AIDA: variants seen among roughly 807,000 people sequenced by gnomAD.
AIDA encodes axin interactor, dorsalization associated, also known as axin interactor, dorsalization-associated protein.
A neutral mutation model predicts 42.7 loss-of-function variants in AIDA; 18 were observed. That is an observed-to-expected ratio of 0.42 (90% CI 0.29 to 0.63). The LOEUF (loss-of-function observed/expected upper bound fraction) is 0.63. Among genes scored for constraint, AIDA ranks in the 20% least tolerant of loss-of-function variants. The pLI is 0.19. For synonymous variants in AIDA, 104 were observed against 122.9 expected (o/e 0.85, Z 1.02); for missense variants, 250 against 354.1 (o/e 0.71, Z 2.36).
rs1204138726 is a variant in AIDA, at chr1:222,686,787, GCTA to G, written c.460+140_460+142del. On this transcript the variant is annotated intron_variant, in intron 6 of 9. Transcript: ENST00000340020. ...AACTTCACACCATACTTATGAAATA[GCTA>G]CTGCCAATAAAATTTGCCTAAGATT... 10 of 931,184 alleles carry G rather than the reference GCTA, an allele frequency of 1.1e-5. No individual in the cohort carries two copies. The East Asian group carries it at 2.7e-4, about 25-fold the overall frequency. 57.7% of individuals were successfully genotyped at this position (931,184 alleles called of 1,614,324 possible).
chr1:222,683,627 A>G (rs928484027), intron 6 of AIDA, among the ~76,000 whole-genome samples: 2 of 152,216 alleles, frequency 1.3e-5, no homozygotes, highest in Admixed American at 6.5e-5. Context: ...AATCTTTTTA[A>G]AAGTCTTGTG....
At position 222,673,348 on chromosome 1, in the gene AIDA, A is replaced by G. The variant is rs542684062; in HGVS notation, c.671T>C (p.Ile224Thr). 7 of 1,610,026 alleles carry G rather than the reference A, an allele frequency of 4.3e-6. No individual in the cohort carries two copies. In the South Asian group the frequency reaches 6.7e-5, roughly 15 times the overall value. Residue 224 changes from isoleucine (I) to threonine (T), a missense_variant, in exon 8 of 10, where the codon ATT (isoleucine) becomes ACT (threonine). Physicochemically the swap from Ile to Thr is moderately conservative, Grantham distance 89 (BLOSUM62 -1). This residue lies in a region of AIDA where 199 missense variants were observed against 232.6 expected (regional missense o/e 0.86). Coordinates refer to ENST00000340020, the MANE Select transcript of AIDA (RefSeq NM_022831.4). The stretch of plus-strand genomic sequence containing the variant: ...TTTTTCAACATGCTTCTGGAGCTCA[A>G]TGTCCACATTAAAATGAACATATGT... ...EDTYVHFNVD[I>T]ELQKHVEKLT...
chr1:222,690,948 G>C (rs1655353522), intron 4 of AIDA, among the ~76,000 whole-genome samples: 1 of 152,126 alleles, frequency 6.6e-6, no homozygotes, highest in African/African-American at 2.4e-5. Flanking sequence ...GAGAGTCTTT[G>C]CCCTCATATA....
intron 2 of AIDA, among the ~76,000 whole-genome samples, chr1:222,697,896 T>C (rs780332334): frequency 1.7e-4 from 26 of 152,068 alleles, no homozygotes; most frequent in Non-Finnish European, 3.2e-4. Context: ...AAGGAGAGCA[T>C]TATAAAATAT....
chr1:222,673,187 T>C (rs1238447357), intron 8 of AIDA, 126 bp downstream of exon 8: 2 of 854,276 alleles, frequency 2.3e-6, no homozygotes, highest in Admixed American at 6.9e-5. Flanking sequence ...TTTATTCAAA[T>C]CAATAAACAC....
intron 4 of AIDA, among the ~76,000 whole-genome samples, chr1:222,691,003 AG>A (rs1655354748): frequency 6.6e-6 from 1 of 152,218 alleles, no homozygotes; most frequent in Non-Finnish European, 1.5e-5. Flanking sequence ...CCAACAAGTA[AG>A]AATGTAACTG....
At chr1:222,696,720 AAC>A (rs1177400836) in intron 2 of AIDA, among the ~76,000 whole-genome samples, 1 of 152,198 alleles carries the variant, frequency 6.6e-6, no homozygotes, top group Non-Finnish European at 1.5e-5. Context: ...GTTCTTTGAA[AAC>A]AGATTTTTAA....
chr1:222,704,675 A>G (rs754649686), intron 1 of AIDA, among the ~76,000 whole-genome samples: 1 of 152,170 alleles, frequency 6.6e-6, no homozygotes, highest in Non-Finnish European at 1.5e-5. Context: ...ACTGATACCA[A>G]GTATGGGGTT....
intron 8 of AIDA, among the ~76,000 whole-genome samples, chr1:222,672,386 A>G (rs1483920298): frequency 2.6e-5 from 4 of 152,228 alleles, no homozygotes; most frequent in Non-Finnish European, 5.9e-5. Flanking sequence ...AATTTCTTCA[A>G]CGTTATTTAT....
intron 5 of AIDA, 35 bp from the exon 6 acceptor site, chr1:222,687,071 G>T: frequency 1.9e-6 from 3 of 1,601,508 alleles, no homozygotes; most frequent in South Asian, 2.2e-5. Flanking sequence ...ACAACAAACT[G>T]CAAAACTAAA....
At chr1:222,689,528 T>TAC (rs531432390) in intron 4 of AIDA, among the ~76,000 whole-genome samples, 40 of 76,438 alleles carry the variant, frequency 5.2e-4, no homozygotes, top group South Asian at 2.2e-3. Context: ...TATACACACA[T>TAC]ACACACACAC....
At chr1:222,697,722 C>T (rs1408898884) in intron 2 of AIDA, among the ~76,000 whole-genome samples, 1 of 151,960 alleles carries the variant, frequency 6.6e-6, no homozygotes, top group African/African-American at 2.4e-5. Flanking sequence ...CGTATTCAAT[C>T]TATATAAGAA....
At chr1:222,686,897 AAAT>A (rs1655210205) in intron 6 of AIDA, 30 bp downstream of exon 6, 18 of 1,599,202 alleles carry the variant, frequency 1.1e-5, no homozygotes, top group Non-Finnish European at 1.4e-5. Context: ...GGTTGCAGTT[AAAT>A]AATGTTTATT....
Position 222,676,120 on chromosome 1 carries a change from G to C in AIDA, c.559C>G (p.Pro187Ala). ...CCCTTTACACTAACTGTAATATAGG[G>C]ATCGATGCACTGCCCAGCATCTTTC... ...GLKDAGQCID[P>A]YITVSVKDLN... Residue 187 changes from proline to alanine, a missense_variant, in exon 7 of 10, where the codon CCC (proline) becomes GCC (alanine). Pro to Ala is a conservative substitution (Grantham distance 27). This residue lies in a region of AIDA where 199 missense variants were observed against 232.6 expected (regional missense o/e 0.86). Transcript: ENST00000340020. 4.3e-6 allele frequency: 7 copies of C among 1,610,462 alleles called. No individual in the cohort carries two copies. Among genetic ancestry groups the C allele is most frequent in the Non-Finnish European group, 5.9e-6 (7 of 1,178,644 alleles).
At chr1:222,684,190 G>A (rs1234516559) in intron 6 of AIDA, among the ~76,000 whole-genome samples, 1 of 151,910 alleles carries the variant, frequency 6.6e-6, no homozygotes, top group Non-Finnish European at 1.5e-5. Flanking sequence ...TTAGCTCACG[G>A]CACCTCCGCC....
rs375554859 is a variant in AIDA at position 222,703,128 on chromosome 1, T to C, written c.180+20A>G. 1.7e-4 allele frequency: 268 copies of C among 1,581,578 alleles called. No individual in the cohort carries two copies. The highest frequency in any genetic ancestry group is 4.7e-4 in the Admixed American group (26 of 55,430). On this transcript the variant is annotated intron_variant, in intron 2 of 9. Transcript: ENST00000340020. ...CTTTTTGTTTGGAATCTGATATATC[T>C]AGAGATTATTTTATGGTACCTTTTG...
At chr1:222,710,007 G>C (rs1558218226) in intron 1 of AIDA, among the ~76,000 whole-genome samples, 1 of 152,106 alleles carries the variant, frequency 6.6e-6, no homozygotes, top group Non-Finnish European at 1.5e-5. Context: ...TACCCAATTA[G>C]AAATCCCAAC....
At chr1:222,708,706 A>G (rs1655911731) in intron 1 of AIDA, among the ~76,000 whole-genome samples, 1 of 152,116 alleles carries the variant, frequency 6.6e-6, no homozygotes, top group Non-Finnish European at 1.5e-5. Flanking sequence ...GTGCTAGATA[A>G]ATATCTCAGG....
chr1:222,710,835 G>A (rs1008225274), intron 1 of AIDA, among the ~76,000 whole-genome samples: 1 of 152,022 alleles, frequency 6.6e-6, no homozygotes, highest in African/African-American at 2.4e-5. Flanking sequence ...ATTCTCACTG[G>A]GTTATTGCAA....
Sources: allele counts gnomAD v4.1 joint callset (sites outside exome capture counted in the v4.1 genomes callset), GRCh38; gene constraint gnomAD v4.1.1; regional missense constraint gnomAD v4.1.1; transcripts MANE v1.5; gene names NCBI Gene and HGNC (gene_info 2026-07-23, HGNC 2026-07-21).